The following ERP44 variants were observed in gnomAD, a reference collection of about 807,000 sequenced individuals.
The protein encoded by ERP44 is endoplasmic reticulum resident protein 44.
In ERP44, 25 loss-of-function variants were observed where a neutral mutation model predicts 53.4. The observed-to-expected ratio is 0.47, with a 90% CI of 0.34 to 0.65. The LOEUF (loss-of-function observed/expected upper bound fraction) is 0.65. Ranked by LOEUF, ERP44 falls within the 30% of genes least tolerant of loss-of-function variation. The pLI is 0.01. For missense variants in ERP44, 338 were observed against 493.2 expected, an observed-to-expected ratio of 0.69 and a Z score of 2.98; for synonymous variants, 145 against 161.2, an observed-to-expected ratio of 0.90 and a Z score of 0.76.
rs187251572 is a variant in ERP44, at chr9:100,096,564, G to C, written c.57+2220C>G. Among the ~76,000 whole-genome samples, 8 of 152,072 alleles carry C rather than the reference G, an allele frequency of 5.3e-5. No homozygotes were observed. The South Asian group carries it at 8.3e-4, about 16-fold the overall frequency. ...ATAGCTACTTGCCTCCAGAAGTTTG[G>C]GATTATGTTTCAACTGTTATCTTAT... On this transcript the variant is annotated intron_variant, in intron 1 of 11. Coordinates refer to ENST00000262455, the MANE Select transcript of ERP44 (RefSeq NM_015051.3).
intron 10 of ERP44, among the ~76,000 whole-genome samples, chr9:99,995,019 C>T (rs1444336974): frequency 1.3e-5 from 2 of 152,068 alleles, no homozygotes; most frequent in Admixed American, 1.3e-4. Flanking sequence ...TTTCCTTCAG[C>T]AGCATTTTGT....
intron 10 of ERP44, among the ~76,000 whole-genome samples, chr9:99,990,827 A>C (rs1451372734): frequency 6.6e-6 from 1 of 152,222 alleles, no homozygotes; most frequent in African/African-American, 2.4e-5. Context: ...AAGATCTACC[A>C]AGAAAATGGA....
chr9:100,033,055 C>A (rs4743377), intron 4 of ERP44, among the ~76,000 whole-genome samples: 1 of 152,092 alleles, frequency 6.6e-6, no homozygotes, highest in African/African-American at 2.4e-5. Flanking sequence ...GTAAAGTATA[C>A]TCCTGTGAAC....
At chr9:100,020,215 A>T (rs1477446944) in intron 6 of ERP44, among the ~76,000 whole-genome samples, 1 of 152,218 alleles carries the variant, frequency 6.6e-6, no homozygotes, top group East Asian at 1.9e-4. Context: ...CTATAAAAAA[A>T]GGTGGTGGAG....
intron 1 of ERP44, among the ~76,000 whole-genome samples, chr9:100,079,059 G>A (rs1426417719): frequency 6.6e-6 from 1 of 152,152 alleles, no homozygotes; most frequent in African/African-American, 2.4e-5. Flanking sequence ...TTGGCTTGAA[G>A]GATGCAAAGT....
In ERP44 at chr9:99,990,184, C is replaced by A. The variant is rs149256952; in HGVS notation, c.1017-5115G>T. Among the ~76,000 whole-genome samples, 524 of 152,258 alleles carry A rather than the reference C, an allele frequency of 3.4e-3. 8 individuals are homozygous for A. The highest frequency in any genetic ancestry group is 5.6e-3 in the East Asian group (29 of 5,172). On this transcript the variant is annotated intron_variant, in intron 10 of 11. Transcript: ENST00000262455. ...ATACAGAGAACACCACAAAGATACTCCTCGACAAGAGCAACCCCAAGACAC... is the reference window on the plus strand; with the variant it reads ...ATACAGAGAACACCACAAAGATACTACTCGACAAGAGCAACCCCAAGACAC...
chr9:100,087,561 T>C (rs545998187), intron 1 of ERP44, among the ~76,000 whole-genome samples: 11 of 152,310 alleles, frequency 7.2e-5, no homozygotes, highest in African/African-American at 2.2e-4. Context: ...TACAGACACA[T>C]TCAGTCTCAT....
intron 1 of ERP44, among the ~76,000 whole-genome samples, chr9:100,073,028 A>G (rs1826322242): frequency 6.6e-6 from 1 of 152,222 alleles, no homozygotes; most frequent in African/African-American, 2.4e-5. Flanking sequence ...CACTGAATAT[A>G]TGCTGCCTTT....
intron 1 of ERP44, among the ~76,000 whole-genome samples, chr9:100,072,712 A>G (rs1826319598): frequency 6.6e-6 from 1 of 152,002 alleles, no homozygotes. Flanking sequence ...AGTAGAGACG[A>G]GGTTTCACCA....
chr9:100,041,395 C>T lies in ERP44; in HGVS notation c.286+11022G>A, dbSNP rs376776515. 7.2e-5 allele frequency among the ~76,000 whole-genome samples: 11 copies of T among 152,218 alleles called. No individual in the cohort carries two copies. In the South Asian group the frequency reaches 2.1e-3, roughly 29 times the overall value. On this transcript the variant is annotated intron_variant, in intron 4 of 11. Coordinates refer to ENST00000262455, the MANE Select transcript of ERP44 (RefSeq NM_015051.3). ...GCATAAAGAACAGACACAGGCCAGG[C>T]GCAGTGGCTCACGCCTGTAATCTCA...
chr9:99,983,551 C>CAAAAAAA (rs59132233), intron 11 of ERP44, among the ~76,000 whole-genome samples: 59 of 66,906 alleles, frequency 8.8e-4, no homozygotes, highest in African/African-American at 2.7e-3. Context: ...GACTCCGTCT[C>CAAAAAAA]AAAAAAAAAA....
At position 100,051,646 on chromosome 9, in the gene ERP44, G is replaced by A. The variant is rs375199842; in HGVS notation, c.286+771C>T. Among the ~76,000 whole-genome samples, 25 of 152,132 alleles carry A rather than the reference G, an allele frequency of 1.6e-4. 1 individual carries two copies. The highest frequency in any genetic ancestry group is 9.8e-4 in the Admixed American group (15 of 15,270). ...AATGAACAGACAATGCAGCTGATAAGACAACTAAGACACAATGAACCAGAA... is the reference window on the plus strand; with the variant it reads ...AATGAACAGACAATGCAGCTGATAAAACAACTAAGACACAATGAACCAGAA... On this transcript the variant is annotated intron_variant, in intron 4 of 11. Transcript: ENST00000262455.
chr9:100,016,231 T>G (rs1470152309), intron 8 of ERP44, 91 bp downstream of exon 8: 10 of 1,495,854 alleles, frequency 6.7e-6, no homozygotes, highest in Non-Finnish European at 8.0e-6. Flanking sequence ...TTACAATTCA[T>G]AACTCTGTTA....
chr9:100,048,817 G>A (rs369139032), intron 4 of ERP44, among the ~76,000 whole-genome samples: 2 of 152,162 alleles, frequency 1.3e-5, no homozygotes, highest in South Asian at 2.1e-4. Context: ...CAGAGTAATC[G>A]CATTTGTAGA....
chr9:100,020,594 C>T (rs1192424138), intron 6 of ERP44, 22 bp downstream of exon 6: 10 of 1,293,042 alleles, frequency 7.7e-6, no homozygotes, highest in Non-Finnish European at 1.1e-5. Flanking sequence ...CCCACTAACA[C>T]ACTTTTAAAT....
chr9:100,044,684 A>G (rs1350716469), intron 4 of ERP44, among the ~76,000 whole-genome samples: 1 of 152,224 alleles, frequency 6.6e-6, no homozygotes, highest in Admixed American at 6.5e-5. Flanking sequence ...TGTATACTGC[A>G]GATTTCTAGC....
At chr9:99,998,325 A>G in intron 10 of ERP44, 1 of 504,454 alleles carries the variant, frequency 2.0e-6, no homozygotes, top group Non-Finnish European at 3.7e-6. Flanking sequence ...CCCTGTTCTC[A>G]GGATCTGTCC....
intron 1 of ERP44, among the ~76,000 whole-genome samples, chr9:100,078,732 G>T (rs1826386973): frequency 6.6e-6 from 1 of 151,896 alleles, no homozygotes; most frequent in African/African-American, 2.4e-5. Flanking sequence ...TCCAGCCTGG[G>T]TGACGAGCAA....
chr9:100,003,319 G>A (rs1048870493), intron 10 of ERP44, among the ~76,000 whole-genome samples: 1 of 152,188 alleles, frequency 6.6e-6, no homozygotes, highest in Non-Finnish European at 1.5e-5. Context: ...CAGCTTCTGG[G>A]AGATTATTGT....
Sources: allele counts gnomAD v4.1 joint callset (sites outside exome capture counted in the v4.1 genomes callset), GRCh38; gene constraint gnomAD v4.1.1; transcripts MANE v1.5; gene names NCBI Gene and HGNC (gene_info 2026-07-23, HGNC 2026-07-21).